Variants in UBN2 observed in about 807,000 individuals in gnomAD.
UBN2 encodes ubinuclein 2, also known as ubinuclein-2.
In UBN2, 35 loss-of-function variants were observed where a neutral mutation model predicts 120.2. The ratio of observed to expected loss-of-function variants is 0.29; its 90% CI spans 0.22 to 0.39. The LOEUF is 0.39. Ranked by LOEUF, UBN2 falls within the 10% of genes least tolerant of loss-of-function variation. The pLI is 1.00. For missense variants in UBN2, 1,693 were observed against 1,663.2 expected (o/e 1.02, Z -0.31); for synonymous variants, 661 against 648.7 (o/e 1.02, Z -0.29).
intron 12 of UBN2, chr7:139,276,382 G>A: frequency 4.0e-6 from 2 of 494,538 alleles, no homozygotes; most frequent in South Asian, 4.7e-5. Flanking sequence ...TAGTAGGGAA[G>A]CATGAAGGCT....
intron 6 of UBN2, 128 bp downstream of exon 6, chr7:139,261,869 T>C (rs1170211804): frequency 1.1e-6 from 1 of 949,284 alleles, no homozygotes; most frequent in Non-Finnish European, 1.5e-6. Context: ...ATAAAAATAA[T>C]AAACTACAAT....
intron 9 of UBN2, 130 bp downstream of exon 9, chr7:139,272,570 A>C (rs573768002): frequency 2.9e-6 from 2 of 682,126 alleles, no homozygotes; most frequent in South Asian, 4.7e-5. Context: ...TCTGTTGCCC[A>C]GGCTGGAGTG....
At chr7:139,288,386 AG>A (rs1395966631) in intron 15 of UBN2, among the ~76,000 whole-genome samples, 3 of 152,024 alleles carry the variant, frequency 2.0e-5, no homozygotes, top group African/African-American at 7.2e-5. Context: ...TGTAGAGAAG[AG>A]GGGGAAAATA....
rs1798320396 is a variant in UBN2, at chr7:139,304,328, A to G, written c.*6492A>G. On this transcript the variant is annotated 3_prime_UTR_variant, in exon 18 of 18. Transcript: ENST00000473989. Reference sequence around the variant, plus strand: ...ACTTTCTAACTGGGTCGGGGTGGGGAAGGTCAGGGTAGAAGGAAACATGTT... The same window carrying G: ...ACTTTCTAACTGGGTCGGGGTGGGGGAGGTCAGGGTAGAAGGAAACATGTT... 1 of 152,052 alleles carries G rather than the reference A, an allele frequency of 6.6e-6. No homozygotes were observed. Among genetic ancestry groups the G allele is most frequent in the Non-Finnish European group, 1.5e-5 (1 of 68,022 alleles). The allele number at this position is 152,052 out of a possible 1,614,324, so 9.4% of individuals were successfully genotyped here.
chr7:139,244,282 C>G (rs151286643), intron 2 of UBN2, among the ~76,000 whole-genome samples: 1 of 152,230 alleles, frequency 6.6e-6, no homozygotes, highest in East Asian at 1.9e-4. Flanking sequence ...GGCAGAACCA[C>G]TGTGAATAGT....
At chr7:139,329,803 G>A in the UBN2 span, among the ~76,000 whole-genome samples, 631 of 152,134 alleles carry the variant, frequency 4.1e-3, 2 homozygotes, top group Non-Finnish European at 7.6e-3. Context: ...CCCCAGACCA[G>A]GATTTAGCAC....
At chr7:139,324,307 C>T in the UBN2 span, among the ~76,000 whole-genome samples, 3 of 151,880 alleles carry the variant, frequency 2.0e-5, no homozygotes, top group Non-Finnish European at 2.9e-5. Flanking sequence ...TGGTGGCTCA[C>T]GCCTGTAATC....
chr7:139,314,536 A>C, the UBN2 span, among the ~76,000 whole-genome samples: 1 of 152,006 alleles, frequency 6.6e-6, no homozygotes, highest in Non-Finnish European at 1.5e-5. Flanking sequence ...CCCAGGCTGG[A>C]CTGCTATGGT....
chr7:139,329,391 T>TA, the UBN2 span, among the ~76,000 whole-genome samples: 50,121 of 150,054 alleles, frequency 0.33, 10,282 homozygotes, highest in African/African-American at 0.58. Context: ...ACATTAAGCT[T>TA]AAAAAAAAAA....
At chr7:139,294,952 G>A (rs1291666559) in intron 17 of UBN2, among the ~76,000 whole-genome samples, 2 of 152,178 alleles carry the variant, frequency 1.3e-5, no homozygotes, top group African/African-American at 2.4e-5. Context: ...ATAACACACT[G>A]GGCTCCAGCT....
At chr7:139,253,826 A>C (rs569236898) in intron 3 of UBN2, among the ~76,000 whole-genome samples, 1 of 152,378 alleles carries the variant, frequency 6.6e-6, no homozygotes, top group Admixed American at 6.5e-5. Flanking sequence ...AAGCATATAC[A>C]GAAGGTGACA....
intron 2 of UBN2, among the ~76,000 whole-genome samples, chr7:139,237,327 C>T (rs750420988): frequency 3.3e-5 from 5 of 152,126 alleles, no homozygotes; most frequent in Non-Finnish European, 5.9e-5. Flanking sequence ...AACAGGGTCT[C>T]GCTCTGGTGC....
At chr7:139,289,493 G>C (rs1387554198) in intron 15 of UBN2, among the ~76,000 whole-genome samples, 2 of 148,410 alleles carry the variant, frequency 1.3e-5, no homozygotes, top group African/African-American at 5.0e-5. Context: ...GCTCACTGCA[G>C]CTTCCGCCTC....
At chr7:139,286,460 T>C (rs773927254) in intron 15 of UBN2, among the ~76,000 whole-genome samples, 2 of 152,226 alleles carry the variant, frequency 1.3e-5, no homozygotes, top group Admixed American at 6.5e-5. Flanking sequence ...ATTTGTCCTT[T>C]ATGTTAATGA....
chr7:139,273,847 G>C, intron 10 of UBN2, 84 bp from the exon 11 acceptor site: 2 of 1,219,126 alleles, frequency 1.6e-6, no homozygotes, highest in South Asian at 3.5e-5. Flanking sequence ...GTTATTTTCT[G>C]AATTTTTCAC....
At chr7:139,233,831 C>CA (rs1796092995) in intron 1 of UBN2, among the ~76,000 whole-genome samples, 1 of 151,710 alleles carries the variant, frequency 6.6e-6, no homozygotes, top group Non-Finnish European at 1.5e-5. Flanking sequence ...TTGATAACAC[C>CA]AGAACTACTA....
intron 17 of UBN2, 106 bp from the exon 18 acceptor site, chr7:139,297,681 A>T (rs1277846451): frequency 3.1e-6 from 3 of 965,880 alleles, no homozygotes; most frequent in Non-Finnish European, 4.9e-6. Flanking sequence ...CTTTTCAGAG[A>T]TGTCATCCAC....
chr7:139,261,146 T>C, intron 5 of UBN2, 106 bp from the exon 6 acceptor site: 3 of 1,314,414 alleles, frequency 2.3e-6, no homozygotes, highest in East Asian at 2.4e-5. Context: ...AGAAAACTGC[T>C]CTGTCACCTG....
rs373206138 is a variant in UBN2, at chr7:139,259,359, C to T, written c.894C>T (p.Pro298=). The T allele has an allele frequency of 6.2e-6, 10 of 1,613,728 alleles. No individual in the cohort carries two copies. The highest frequency in any genetic ancestry group is 8.5e-6 in the Non-Finnish European group (10 of 1,179,902). The change falls in exon 5 of 18, where the codon CCC becomes CCT. Residue 298 remains proline (P), a synonymous_variant. Coordinates refer to ENST00000473989, the MANE Select transcript of UBN2 (RefSeq NM_173569.4). ...AGAAGAAGCCAAGGAAAAAAGTTCC[C>T]AAACAACTGGGGTACGTTAAATTAA... is the stretch of plus-strand genomic sequence containing the variant. ...EKEKKPRKKV[P]KQLGVVALNS... is the part of the protein sequence containing the mutation.
Sources: gnomAD v4.1 joint callset for allele counts (sites outside exome capture counted in the v4.1 genomes callset) on GRCh38, gnomAD v4.1.1 for gene constraint, MANE v1.5 for transcripts, NCBI Gene and HGNC (gene_info 2026-07-23, HGNC 2026-07-21) for gene names.